CNTNAP3B: variants seen among roughly 807,000 people sequenced by gnomAD.
The protein encoded by CNTNAP3B is contactin-associated protein-like 3B.
A neutral mutation model predicts 108.9 loss-of-function variants in CNTNAP3B; 25 were observed. The ratio of observed to expected loss-of-function variants is 0.23; its 90% CI spans 0.17 to 0.32. The LOEUF is 0.32. Ranked by LOEUF, CNTNAP3B falls within the 10% of genes least tolerant of loss-of-function variation. The pLI is 1.00. For missense variants in CNTNAP3B, 252 were observed against 1,210.4 expected (o/e 0.21, Z 11.75); for synonymous variants, 103 against 473.4 (o/e 0.22, Z 10.16).
intron 14 of CNTNAP3B, among the ~76,000 whole-genome samples, chr9:41,932,721 T>C (rs1824017967): frequency 6.6e-6 from 1 of 152,002 alleles, no homozygotes; most frequent in South Asian, 2.1e-4. Context: ...GGTTTCACCA[T>C]GTTGGTCAGG....
Position 42,012,276 on chromosome 9 carries a change from T to A in CNTNAP3B, c.538+1102A>T, listed in dbSNP as rs556132160. ...TTGAAACAGAGAGCACAGTTATAGG[T>A]CCCAGAAAACACAGGGATGGAAGGA... On this transcript the variant is annotated intron_variant, in intron 4 of 23. Coordinates refer to ENST00000377561, the MANE Select transcript of CNTNAP3B (RefSeq NM_001201380.3). Among the ~76,000 whole-genome samples, 235 of 117,070 alleles carry A rather than the reference T, an allele frequency of 2.0e-3. 40 individuals are homozygous for A. Among genetic ancestry groups the A allele is most frequent in the Non-Finnish European group, 3.1e-3 (178 of 56,702 alleles). The allele number at this position is 117,070 out of a possible 152,430, so 76.8% of individuals were successfully genotyped here. A position where few individuals can be genotyped will look rare whatever the true frequency, so the allele number is the denominator to read the frequency against.
chr9:42,056,284 T>A (rs1827066182), intron 3 of CNTNAP3B, among the ~76,000 whole-genome samples: 1 of 136,696 alleles, frequency 7.3e-6, no homozygotes, highest in Non-Finnish European at 1.6e-5. Context: ...TTAATTTGCA[T>A]TTCTTTAACT....
In CNTNAP3B at chr9:42,115,064, A is replaced by G. The variant is rs1485607246; in HGVS notation, c.86-10325T>C. 5.1e-5 allele frequency among the ~76,000 whole-genome samples: 7 copies of G among 137,282 alleles called. 1 individual carries two copies. The highest frequency in any genetic ancestry group is 2.0e-4 in the African/African-American group (7 of 34,306). 90.1% of individuals were successfully genotyped at this position (137,282 alleles called of 152,430 possible). ...GCAAGACTCCATATCGGAAAAAAAA[A>G]AGAAATACTTACAATGAAAAGGAAC... On this transcript the variant is annotated intron_variant, in intron 1 of 23. Transcript: ENST00000377561.
chr9:41,918,977 C>T (rs964019601), intron 18 of CNTNAP3B, among the ~76,000 whole-genome samples: 18 of 151,966 alleles, frequency 1.2e-4, no homozygotes, highest in Non-Finnish European at 2.5e-4. Context: ...TGTTTTGCTG[C>T]TAAAAATAGT....
intron 14 of CNTNAP3B, among the ~76,000 whole-genome samples, chr9:41,937,546 A>G (rs1342938367): frequency 6.6e-6 from 1 of 152,096 alleles, no homozygotes; most frequent in Non-Finnish European, 1.5e-5. Context: ...AAAAAAAAAG[A>G]AAACCAATAT....
intron 14 of CNTNAP3B, among the ~76,000 whole-genome samples, chr9:41,933,468 A>AC (rs1824043016): frequency 5.7e-5 from 8 of 140,272 alleles, no homozygotes; most frequent in African/African-American, 1.1e-4. Context: ...CTCTTGAATA[A>AC]GTTTTGTAAT....
At chr9:42,030,883 C>A (rs1564178001) in intron 3 of CNTNAP3B, among the ~76,000 whole-genome samples, 1 of 105,994 alleles carries the variant, frequency 9.4e-6, no homozygotes, top group Non-Finnish European at 1.9e-5. Flanking sequence ...TTAGGACTGA[C>A]CAAGGGGACC....
intron 2 of CNTNAP3B, among the ~76,000 whole-genome samples, chr9:42,090,995 CACACACAT>C (rs1280440853): frequency 1.9e-5 from 1 of 52,060 alleles, no homozygotes. Context: ...CACACACACA[CACACACAT>C]ATAGTATATA....
At chr9:42,061,317 C>CTTTT (rs57755649) in intron 3 of CNTNAP3B, among the ~76,000 whole-genome samples, 16 of 93,020 alleles carry the variant, frequency 1.7e-4, no homozygotes, top group East Asian at 3.3e-4. Context: ...TTTTCTTTTT[C>CTTTT]TTTTTTTTTT....
intron 11 of CNTNAP3B, among the ~76,000 whole-genome samples, chr9:41,962,941 C>G (rs1375595585): frequency 2.6e-5 from 4 of 151,190 alleles, no homozygotes; most frequent in African/African-American, 9.8e-5. Context: ...GGCGACAGAG[C>G]AAGACTCCGT....
intron 9 of CNTNAP3B, among the ~76,000 whole-genome samples, chr9:41,981,865 C>A (rs1192151959): frequency 4.3e-5 from 2 of 47,008 alleles, no homozygotes; most frequent in Non-Finnish European, 8.6e-5. Context: ...CAAGCCTGGG[C>A]AAATAACGAG....
intron 14 of CNTNAP3B, among the ~76,000 whole-genome samples, chr9:41,932,642 C>G (rs1460056863): frequency 6.6e-6 from 1 of 152,190 alleles, no homozygotes; most frequent in South Asian, 2.1e-4. Context: ...GCCTCAGCCT[C>G]CAGAGTAGCT....
At chr9:42,030,832 G>C (rs1826512109) in intron 3 of CNTNAP3B, among the ~76,000 whole-genome samples, 5 of 123,224 alleles carry the variant, frequency 4.1e-5, no homozygotes, top group South Asian at 2.7e-4. Flanking sequence ...GAGAGAGAGA[G>C]AGAGAGAGAG....
At chr9:42,051,949 T>G (rs1221726597) in intron 3 of CNTNAP3B, among the ~76,000 whole-genome samples, 1 of 151,878 alleles carries the variant, frequency 6.6e-6, no homozygotes, top group Admixed American at 6.6e-5. Flanking sequence ...ACTGCGTAAT[T>G]TTTTCTCTCT....
chr9:41,948,577 T>A (rs1397485897), intron 13 of CNTNAP3B, among the ~76,000 whole-genome samples: 4 of 151,408 alleles, frequency 2.6e-5, no homozygotes, highest in Non-Finnish European at 5.9e-5. Flanking sequence ...TGAATTTGAA[T>A]GCAAAAATAT....
At chr9:42,056,253 G>C (rs1003272739) in intron 3 of CNTNAP3B, among the ~76,000 whole-genome samples, 1 of 136,578 alleles carries the variant, frequency 7.3e-6, no homozygotes, top group African/African-American at 2.8e-5. Flanking sequence ...CTAATAAACT[G>C]AGTAGTACCT....
intron 12 of CNTNAP3B, chr9:41,960,421 T>G (rs1825043043): frequency 5.1e-6 from 1 of 195,572 alleles, no homozygotes; most frequent in African/African-American, 2.4e-5. Context: ...TTAACATATC[T>G]ATGTTATTTC....
intron 2 of CNTNAP3B, among the ~76,000 whole-genome samples, chr9:42,090,605 A>AT (rs1827800054): frequency 7.5e-6 from 1 of 133,684 alleles, no homozygotes; most frequent in South Asian, 2.4e-4. Flanking sequence ...ACTGAAATAT[A>AT]TATGTATGTA....
At chr9:41,921,489 A>T (rs1475406050) in intron 17 of CNTNAP3B, among the ~76,000 whole-genome samples, 2 of 149,108 alleles carry the variant, frequency 1.3e-5, no homozygotes, top group Non-Finnish European at 3.0e-5. Flanking sequence ...CCTGTAAATT[A>T]GGTTGGGTGA....
Sources: gnomAD v4.1 joint callset for allele counts (sites outside exome capture counted in the v4.1 genomes callset) on GRCh38, gnomAD v4.1.1 for gene constraint, MANE v1.5 for transcripts, NCBI Gene and HGNC (gene_info 2026-07-23, HGNC 2026-07-21) for gene names.